Variants in ASH2L observed in about 807,000 individuals in gnomAD.
The protein encoded by ASH2L is ASH2 like, histone lysine methyltransferase complex subunit.
ASH2L carries 30 observed loss-of-function variants against 81.1 expected under a neutral mutation model. That is an observed-to-expected ratio of 0.37 (90% confidence interval 0.28 to 0.50). The LOEUF (loss-of-function observed/expected upper bound fraction) is 0.50, where lower values mean the gene tolerates loss of function less well. Ranked by LOEUF, ASH2L falls within the 20% of genes least tolerant of loss-of-function variation. ASH2L has a pLI of 0.95. For missense variants in ASH2L, 559 were observed against 792.1 expected, an observed-to-expected ratio of 0.71 and a Z score of 3.53; for synonymous variants, 273 against 279.9, an observed-to-expected ratio of 0.98 and a Z score of 0.24.
In ASH2L at chr8:38,128,407, G is replaced by T; in HGVS notation, c.1282G>T (p.Asp428Tyr). ...KGAWYFEITV[D>Y]EMPPDTAARL... Reference sequence around the variant, plus strand: ...TGCCTGGTATTTTGAAATCACTGTGGATGAGATGCCACCAGATACCGCTGC... The same window carrying T: ...TGCCTGGTATTTTGAAATCACTGTGTATGAGATGCCACCAGATACCGCTGC... Residue 428 changes from aspartate to tyrosine, a missense_variant, in exon 11 of 16, where the codon GAT (aspartate) becomes TAT (tyrosine). Around this residue, in one of 4 missense-constraint regions of ASH2L, gnomAD observed 318 missense variants for 527.0 expected, o/e 0.60. Transcript: ENST00000343823. 1 of 1,614,160 alleles carries T rather than the reference G, an allele frequency of 6.2e-7. No individual in the cohort carries two copies. Among genetic ancestry groups the T allele is most frequent in the Non-Finnish European group, 8.5e-7 (1 of 1,180,030 alleles).
At chr8:38,110,867 T>G in intron 5 of ASH2L, 34 bp downstream of exon 5, 1 of 1,566,642 alleles carries the variant, frequency 6.4e-7, no homozygotes, top group Non-Finnish European at 8.8e-7. Context: ...GCAGTTATAT[T>G]GAAGAGTTAG....
chr8:38,110,983 GGAATGCAGTGAT>G (rs1447271365), intron 5 of ASH2L, 150 bp downstream of exon 5: 9 of 697,670 alleles, frequency 1.3e-5, no homozygotes, highest in Non-Finnish European at 2.4e-6. Context: ...TTTTCAAGAT[GGAATGCAGTGAT>G]GCGATCTCAG....
Position 38,106,388 on chromosome 8 carries a change from T to C in ASH2L, c.199T>C (p.Leu67=). Residue 67 remains leucine (L), a synonymous_variant, in exon 2 of 16, where the codon TTG becomes CTG. Coordinates refer to ENST00000343823, the MANE Select transcript of ASH2L (RefSeq NM_004674.5). ...SGEAEGGEAN[L]VDVSGGLETE... ...TTCATTATCTTATAGGGAGGCAAAC[T>C]TGGTCGATGTAAGCGGTGGCTTGGA... 1 of 1,614,144 alleles carries C rather than the reference T, an allele frequency of 6.2e-7. No homozygotes were observed. Among genetic ancestry groups the C allele is most frequent in the African/African-American group, 1.3e-5 (1 of 75,038 alleles).
intron 5 of ASH2L, 30 bp downstream of exon 5, chr8:38,110,863 A>G (rs1182356990): frequency 1.9e-6 from 3 of 1,577,150 alleles, no homozygotes; most frequent in African/African-American, 2.7e-5. Flanking sequence ...GATTGCAGTT[A>G]TATTGAAGAG....
At chr8:38,134,192 C>A (rs925315769) in intron 13 of ASH2L, among the ~76,000 whole-genome samples, 1 of 152,094 alleles carries the variant, frequency 6.6e-6, no homozygotes, top group African/African-American at 2.4e-5. Context: ...TGCGGAAGGC[C>A]GCAGGGTCCT....
intron 8 of ASH2L, 27 bp from the exon 9 acceptor site, chr8:38,119,243 T>C (rs376762608): frequency 9.0e-5 from 139 of 1,545,946 alleles, no homozygotes; most frequent in Admixed American, 1.2e-4. Flanking sequence ...TGTGGCTCAT[T>C]GAAAGCAATC....
In ASH2L at chr8:38,105,744, A is replaced by AG; in HGVS notation, c.188+8dup. 6.6e-7 allele frequency: 1 copy of AG among 1,511,890 alleles called. No individual in the cohort carries two copies. The allele number at this position is 1,511,890 out of a possible 1,614,324, so 93.7% of individuals were successfully genotyped here. A position where few individuals can be genotyped will look rare whatever the true frequency, so the allele number is the denominator to read the frequency against. ...TCCGGGGAGGCTGAAGGCGGGTAAG[A>AG]GGTCCTGCCGCCCGAGGAAGACGCG... On this transcript the variant is annotated splice_region_variant and intron_variant, in intron 1 of 15. Transcript: ENST00000343823.
chr8:38,110,840 G>T lies in ASH2L; in HGVS notation c.585+7G>T. ...AATGTTCTCCAAAGATAAGGTAGAG[G>T]TGGAACTAATGTGATTGCAGTTATA... On this transcript the variant is annotated splice_region_variant and intron_variant, in intron 5 of 15. Transcript: ENST00000343823. 1 of 1,609,902 alleles carries T rather than the reference G, an allele frequency of 6.2e-7. No individual in the cohort carries two copies. Among genetic ancestry groups the T allele is most frequent in the Non-Finnish European group, 8.5e-7 (1 of 1,177,222 alleles).
chr8:38,121,986 T>C (rs919092053), intron 10 of ASH2L, among the ~76,000 whole-genome samples: 1 of 152,236 alleles, frequency 6.6e-6, no homozygotes, highest in Non-Finnish European at 1.5e-5. Flanking sequence ...TGTTCACTAA[T>C]TTTAGCACCC....
chr8:38,108,720 C>T (rs569471311), intron 3 of ASH2L, among the ~76,000 whole-genome samples: 3 of 151,908 alleles, frequency 2.0e-5, no homozygotes, highest in Admixed American at 2.0e-4. Flanking sequence ...ACTCGGGAGG[C>T]AGGAAAATCA....
At chr8:38,119,154 ATCC>A in intron 8 of ASH2L, 113 bp from the exon 9 acceptor site, 1 of 884,526 alleles carries the variant, frequency 1.1e-6, no homozygotes, top group South Asian at 1.6e-5. Flanking sequence ...TTGGAAGGAA[ATCC>A]TCCTGTGGTG....
At chr8:38,138,725 C>T in intron 14 of ASH2L, 91 bp from the exon 15 acceptor site, 2 of 1,089,632 alleles carry the variant, frequency 1.8e-6, no homozygotes, top group Non-Finnish European at 2.8e-6. Flanking sequence ...ATTGTAGCCA[C>T]ATTTAAAGTG....
intron 14 of ASH2L, chr8:38,137,401 A>AG (rs1232326710): frequency 7.9e-5 from 12 of 151,344 alleles, no homozygotes; most frequent in Non-Finnish European, 1.3e-4. Flanking sequence ...AAAAAAAAAA[A>AG]AAAAGAAAAA....
intron 7 of ASH2L, among the ~76,000 whole-genome samples, chr8:38,115,874 T>G (rs2517387): frequency 0.096 from 14,591 of 152,120 alleles, 1,361 homozygotes; most frequent in East Asian, 0.24. Context: ...ACTTGCAAGG[T>G]TGCTTGCTGG....
At chr8:38,114,863 G>A (rs760953167) in intron 6 of ASH2L, 42 bp from the exon 7 acceptor site, 19 of 1,273,570 alleles carry the variant, frequency 1.5e-5, no homozygotes, top group Non-Finnish European at 2.1e-5. Context: ...ATACTTTTAA[G>A]TATAAAATGT....
intron 10 of ASH2L, chr8:38,122,367 C>T (rs1801662503): frequency 6.6e-6 from 1 of 152,160 alleles, no homozygotes. Context: ...TTAGGAATAA[C>T]ATCTAGGTGC....
intron 5 of ASH2L, among the ~76,000 whole-genome samples, chr8:38,113,176 G>A (rs980008428): frequency 2.0e-5 from 3 of 151,894 alleles, no homozygotes; most frequent in African/African-American, 2.4e-5. Flanking sequence ...CACCATGTTG[G>A]CCAGGCTGGT....
intron 7 of ASH2L, among the ~76,000 whole-genome samples, chr8:38,115,879 T>A (rs1810870714): frequency 1.3e-5 from 2 of 152,188 alleles, no homozygotes; most frequent in African/African-American, 4.8e-5. Context: ...CAAGGTTGCT[T>A]GCTGGTCCTT....
At chr8:38,108,957 C>T (rs751685095) in intron 3 of ASH2L, among the ~76,000 whole-genome samples, 4 of 152,138 alleles carry the variant, frequency 2.6e-5, no homozygotes, top group Non-Finnish European at 5.9e-5. Context: ...TGGTTCACAT[C>T]TGTAGTACCA....
Sources: gnomAD v4.1 joint callset for allele counts (sites outside exome capture counted in the v4.1 genomes callset) on GRCh38, gnomAD v4.1.1 for gene constraint, gnomAD v4.1.1 regional missense constraint, MANE v1.5 for transcripts, NCBI Gene and HGNC (gene_info 2026-07-23, HGNC 2026-07-21) for gene names.